CD99: variants seen among roughly 807,000 people sequenced by gnomAD.
CD99 encodes CD99 molecule (Xg blood group).
CD99 carries 19 observed loss-of-function variants against 28.4 expected under a neutral mutation model. The ratio of observed to expected loss-of-function variants is 0.67; its 90% CI spans 0.47 to 0.98. The LOEUF is 0.98. Ranked by LOEUF, CD99 falls within the 50% of genes least tolerant of loss-of-function variation. The probability of loss-of-function intolerance (pLI) is 0.00; values close to 1 mark genes in which losing one functional copy is unlikely to be tolerated. For missense variants in CD99, 283 were observed against 248.8 expected (o/e 1.14, Z -0.92); for synonymous variants, 103 against 92.1 (o/e 1.12, Z -0.67).
rs1405753981 is a variant in CD99 at position 2,691,436 on chromosome X, G to A, written c.67+9G>A. The A allele has an allele frequency of 1.9e-6, 3 of 1,581,634 alleles. No homozygotes were observed. Among genetic ancestry groups the A allele is most frequent in the Non-Finnish European group, 2.6e-6 (3 of 1,172,904 alleles). ...TCTGGTCGCCGCCCCGGGTGAGCGA[G>A]CGGAGGGATCCGGGTTGGGGGACGC... On this transcript the variant is annotated intron_variant, in intron 1 of 9. Transcript: ENST00000381192.
At chrX:2,693,558 G>T (rs1382323351) in intron 1 of CD99, among the ~76,000 whole-genome samples, 1 of 152,166 alleles carries the variant, frequency 6.6e-6, no homozygotes, top group Non-Finnish European at 1.5e-5. Context: ...TGACTTTTGA[G>T]TTGGTGATGC....
At chrX:2,723,270 T>C (rs1406695085) in intron 6 of CD99, 44 bp from the exon 7 acceptor site, 2 of 1,610,292 alleles carry the variant, frequency 1.2e-6, no homozygotes, top group Non-Finnish European at 1.7e-6. Flanking sequence ...AATTTTTCCT[T>C]GACCCCAAAC....
chrX:2,717,521 A>G lies in CD99; in HGVS notation c.101-84A>G, dbSNP rs766780401. The G allele has an allele frequency of 5.7e-3, 6,358 of 1,105,786 alleles. 31 individuals carry two copies. Among genetic ancestry groups the G allele is most frequent in the Non-Finnish European group, 8.1e-3 (5,841 of 722,014 alleles). The allele number at this position is 1,105,786 out of a possible 1,614,324, so 68.5% of individuals were successfully genotyped here. ...AACATTCTCCGACTGTTTCCAAGAA[A>G]ATGAAACATCCTTAACCACAAAAGA... On this transcript the variant is annotated intron_variant, in intron 2 of 9. Coordinates refer to ENST00000381192, the MANE Select transcript of CD99 (RefSeq NM_002414.5).
chrX:2,729,982 A>AT (rs1329005873), intron 8 of CD99, among the ~76,000 whole-genome samples: 55 of 152,016 alleles, frequency 3.6e-4, no homozygotes, highest in Non-Finnish European at 6.6e-4. Context: ...GTGAAACCTC[A>AT]TCTCTACAAA....
intron 6 of CD99, 139 bp downstream of exon 6, chrX:2,722,813 C>T (rs772017458): frequency 3.3e-5 from 31 of 926,076 alleles, no homozygotes; most frequent in South Asian, 1.7e-4. Context: ...GTGGGAACTC[C>T]GCCTGTTTGC....
In CD99 at chrX:2,726,302, T is replaced by A; in HGVS notation, c.404T>A (p.Val135Glu). ...GVIPGIVGAV[V>E]VAVAGAISSF... ...ATCCCCGGGATTGTGGGGGCTGTCG[T>A]GGTCGCCGTGGCTGGAGCCATCTCT... Residue 135 changes from valine (V) to glutamate (E), a missense_variant, in exon 8 of 10, where the codon GTG becomes GAG. Transcript: ENST00000381192. 1 of 1,612,116 alleles carries A rather than the reference T, an allele frequency of 6.2e-7. No homozygotes were observed. The highest frequency in any genetic ancestry group is 1.3e-5 in the African/African-American group (1 of 74,984).
At chrX:2,715,753 G>C (rs1397642468) in intron 2 of CD99, among the ~76,000 whole-genome samples, 1 of 152,116 alleles carries the variant, frequency 6.6e-6, no homozygotes, top group Admixed American at 6.5e-5. Context: ...CCCAGCTTTT[G>C]AGGGCTTCAC....
chrX:2,725,709 G>A (rs1413387000), intron 7 of CD99, among the ~76,000 whole-genome samples: 1 of 152,122 alleles, frequency 6.6e-6, no homozygotes, highest in Non-Finnish European at 1.5e-5. Context: ...TGCCTCCCAG[G>A]TTCAAGCGAT....
chrX:2,708,539 C>G (rs940806742), intron 1 of CD99, among the ~76,000 whole-genome samples: 17 of 152,110 alleles, frequency 1.1e-4, no homozygotes, highest in Non-Finnish European at 2.2e-4. Context: ...CCTCTGGTGT[C>G]CTTGTCCTTC....
chrX:2,691,778 C>G (rs1404265967), intron 1 of CD99: 1 of 768,228 alleles, frequency 1.3e-6, no homozygotes, highest in South Asian at 1.4e-5. Flanking sequence ...ACCCCGTTAT[C>G]TACCCCCAGG....
At chrX:2,701,176 C>G (rs2047843363) in intron 1 of CD99, among the ~76,000 whole-genome samples, 1 of 151,874 alleles carries the variant, frequency 6.6e-6, no homozygotes. Flanking sequence ...CCCAACCATC[C>G]ACCCACTCAC....
chrX:2,709,230 A>C (rs2048266983), intron 1 of CD99, among the ~76,000 whole-genome samples: 2 of 152,118 alleles, frequency 1.3e-5, no homozygotes, highest in African/African-American at 4.8e-5. Context: ...TGCCATGCAT[A>C]TATGCATGCA....
intron 1 of CD99, among the ~76,000 whole-genome samples, chrX:2,698,185 CTT>C (rs749180860): frequency 4.9e-4 from 66 of 134,716 alleles, no homozygotes; most frequent in Admixed American, 6.7e-4. Context: ...TTCTTTGTTT[CTT>C]TTTTTTTTTT....
At chrX:2,725,706 C>G (rs1360536813) in intron 7 of CD99, among the ~76,000 whole-genome samples, 1 of 152,146 alleles carries the variant, frequency 6.6e-6, no homozygotes, top group Non-Finnish European at 1.5e-5. Flanking sequence ...CTCTGCCTCC[C>G]AGGTTCAAGC....
chrX:2,693,476 T>G (rs752953133), intron 1 of CD99, among the ~76,000 whole-genome samples: 1 of 152,298 alleles, frequency 6.6e-6, no homozygotes, highest in Non-Finnish European at 1.5e-5. Flanking sequence ...TTCTTTGCAG[T>G]CTGACCCTGC....
At chrX:2,721,102 A>G (rs1435623558) in intron 5 of CD99, among the ~76,000 whole-genome samples, 1 of 151,768 alleles carries the variant, frequency 6.6e-6, no homozygotes, top group African/African-American at 2.4e-5. Context: ...TTTCTGACAT[A>G]TCACAGCATT....
chrX:2,712,602 G>T (rs184383096), intron 1 of CD99, among the ~76,000 whole-genome samples: 147 of 152,132 alleles, frequency 9.7e-4, no homozygotes, highest in African/African-American at 3.3e-3. Flanking sequence ...AGCTGTAATT[G>T]CATTTATGAT....
At chrX:2,736,812 G>A (rs1024563373) in intron 8 of CD99, among the ~76,000 whole-genome samples, 13 of 151,894 alleles carry the variant, frequency 8.6e-5, no homozygotes, top group East Asian at 3.9e-4. Flanking sequence ...AGCTGATATC[G>A]CGCCACTGCA....
In CD99 at chrX:2,691,417, C is replaced by A; in HGVS notation, c.57C>A (p.Val19=). ...TCTTCGGCCTGCTGGGTGTTCTGGT[C>A]GCCGCCCCGGGTGAGCGAGCGGAGG... is the stretch of plus-strand genomic sequence containing the variant. The part of the protein sequence containing the change: ...LLLFGLLGVL[V]AAPDGGFDLS... The change falls in exon 1 of 10, where the codon GTC becomes GTA. Residue 19 remains valine (V), a synonymous_variant. Coordinates refer to ENST00000381192, the MANE Select transcript of CD99 (RefSeq NM_002414.5). The A allele has an allele frequency of 6.3e-7, 1 of 1,584,068 alleles. No individual in the cohort carries two copies. The highest frequency in any genetic ancestry group is 1.1e-5 in the South Asian group (1 of 88,918).
Sources: allele counts gnomAD v4.1 joint callset (sites outside exome capture counted in the v4.1 genomes callset), GRCh38; gene constraint gnomAD v4.1.1; transcripts MANE v1.5; gene names NCBI Gene and HGNC (gene_info 2026-07-23, HGNC 2026-07-21).